Variants in MAN2A2 observed in about 807,000 individuals in gnomAD.
The protein encoded by MAN2A2 is alpha-mannosidase 2x.
A neutral mutation model predicts 126.8 loss-of-function variants in MAN2A2; 79 were observed. That is an observed-to-expected ratio of 0.62 (90% CI 0.52 to 0.75). The LOEUF (loss-of-function observed/expected upper bound fraction) is 0.75, where lower values mean the gene tolerates loss of function less well. Among genes scored for constraint, MAN2A2 ranks in the 30% least tolerant of loss-of-function variants. The pLI, the probability that MAN2A2 is intolerant of heterozygous loss-of-function variation, is 0.00. For synonymous variants in MAN2A2, 671 were observed against 618.7 expected, an observed-to-expected ratio of 1.08 and a Z score of -1.25; for missense variants, 1,392 against 1,522.4, an observed-to-expected ratio of 0.91 and a Z score of 1.43.
chr15:90,918,062 G>T (rs933435846), intron 20 of MAN2A2, 132 bp from the exon 21 acceptor site: 1 of 801,000 alleles, frequency 1.2e-6, no homozygotes, highest in South Asian at 1.7e-5. Context: ...GGAGCCAGGC[G>T]TGCCCTTGAG....
chr15:90,909,298 G>A (rs749284842), intron 8 of MAN2A2, 29 bp from the exon 9 acceptor site: 2 of 1,591,862 alleles, frequency 1.3e-6, no homozygotes, highest in Non-Finnish European at 1.7e-6. Context: ...AGACTTCGTG[G>A]TGGGCCCATG....
intron 11 of MAN2A2, 37 bp downstream of exon 11, chr15:90,910,720 C>G: frequency 6.2e-7 from 1 of 1,610,074 alleles, no homozygotes; most frequent in Non-Finnish European, 8.5e-7. Flanking sequence ...AGCTCCCCTG[C>G]TCACTGTCCC....
chr15:90,905,526 C>T lies in MAN2A2; in HGVS notation c.390+18C>T, dbSNP rs1567115866. ...AGCTGCAGGTAAGAGTCAGAGCTGG[C>T]AGGGACGTACAGTGGCCACGACTGG... On this transcript the variant is annotated intron_variant, in intron 3 of 22. Coordinates refer to ENST00000559717, the MANE Select transcript of MAN2A2 (RefSeq NM_006122.4). 1.2e-6 allele frequency: 2 copies of T among 1,614,056 alleles called. No individual in the cohort carries two copies. The highest frequency in any genetic ancestry group is 8.5e-7 in the Non-Finnish European group (1 of 1,180,000).
rs2034650186 is a variant in MAN2A2, at chr15:90,910,604, C to T, written c.1681C>T (p.Arg561Cys). 3.7e-6 allele frequency: 6 copies of T among 1,614,058 alleles called. No homozygotes were observed. The highest frequency in any genetic ancestry group is 1.1e-5 in the South Asian group (1 of 91,088). Residue 561 changes from arginine to cysteine, a missense_variant, in exon 11 of 23, where the codon CGC becomes TGC. Transcript: ENST00000559717. ...SDFTLLTEAR[R>C]TLGLFQHHDA... ...TTTCACCCTCCTGACGGAAGCTCGG[C>T]GCACATTGGGGCTCTTCCAGCATCA...
chr15:90,918,155 G>A (rs1567134039), intron 20 of MAN2A2, 39 bp from the exon 21 acceptor site: 2 of 1,587,122 alleles, frequency 1.3e-6, no homozygotes, highest in South Asian at 1.1e-5. Flanking sequence ...CCTCAGCCTG[G>A]CTTTGGTCCC....
Position 90,903,900 on chromosome 15 carries a change from G to A in MAN2A2, c.-18-290G>A, listed in dbSNP as rs1328170366. On this transcript the variant is annotated intron_variant, in intron 1 of 22. Coordinates refer to ENST00000559717, the MANE Select transcript of MAN2A2 (RefSeq NM_006122.4). The stretch of plus-strand genomic sequence containing the variant: ...AACAGGCACCTCCTATCTAGGCAGG[G>A]AAGCTGTGTAATCAGGAGCTTGTGT... 6 of 435,506 alleles carry A rather than the reference G, an allele frequency of 1.4e-5. No individual in the cohort carries two copies. In the East Asian group the frequency reaches 2.5e-4, roughly 18 times the overall value. 27.0% of individuals were successfully genotyped at this position (435,506 alleles called of 1,614,324 possible).
intron 19 of MAN2A2, 105 bp downstream of exon 19, chr15:90,913,860 C>G (rs2034971223): frequency 1.5e-6 from 2 of 1,371,736 alleles, no homozygotes; most frequent in Middle Eastern, 2.4e-4. Flanking sequence ...TCTTTCTGGA[C>G]TGCATCACCT....
intron 20 of MAN2A2, chr15:90,916,632 T>C: frequency 7.7e-7 from 1 of 1,302,748 alleles, no homozygotes; most frequent in East Asian, 5.3e-5. Context: ...GGCTTGATCT[T>C]TCACAGCAGC....
intron 6 of MAN2A2, 39 bp downstream of exon 6, chr15:90,906,536 C>T: frequency 6.2e-7 from 1 of 1,613,630 alleles, no homozygotes; most frequent in Non-Finnish European, 8.5e-7. Flanking sequence ...GCCCCCTGGG[C>T]TGTAAGGCAC....
rs1341033777 is a variant in MAN2A2, at chr15:90,920,675, C to T, written c.*888C>T. ...TACTTTCTTTCTCTGGAAAGGAAAG[C>T]CTCCAAGACTCCATGTGCTTGGGCA... is the stretch of plus-strand genomic sequence containing the variant. On this transcript the variant is annotated 3_prime_UTR_variant, in exon 23 of 23. Transcript: ENST00000559717. 1 of 152,234 alleles carries T rather than the reference C, an allele frequency of 6.6e-6. No homozygotes were observed. The highest frequency in any genetic ancestry group is 1.5e-5 in the Non-Finnish European group (1 of 68,074). The allele number at this position is 152,234 out of a possible 1,614,324, so 9.4% of individuals were successfully genotyped here.
intron 21 of MAN2A2, 105 bp from the exon 22 acceptor site, chr15:90,918,540 C>T: frequency 8.4e-7 from 1 of 1,193,832 alleles, no homozygotes; most frequent in Non-Finnish European, 1.2e-6. Flanking sequence ...CTTTCCTTAC[C>T]CACACGCCTC....
chr15:90,913,855 C>G, intron 19 of MAN2A2, 100 bp downstream of exon 19: 1 of 1,406,578 alleles, frequency 7.1e-7, no homozygotes, highest in Non-Finnish European at 9.4e-7. Context: ...TTGCCTCTTT[C>G]TGGACTGCAT....
rs750844106 is a variant in MAN2A2, at chr15:90,912,867, C to T, written c.2470-10C>T. On this transcript the variant is annotated splice_polypyrimidine_tract_variant and intron_variant, in intron 16 of 22. Transcript: ENST00000559717. ...GCTGTAGTTTCAACAGCAATCTGCT[C>T]TTTCTCTAGCCCTACGTCCCCAAGG... 3 of 1,610,672 alleles carry T rather than the reference C, an allele frequency of 1.9e-6. No individual in the cohort carries two copies. Among genetic ancestry groups the T allele is most frequent in the Non-Finnish European group, 2.5e-6 (3 of 1,177,312 alleles).
intron 16 of MAN2A2, 100 bp from the exon 17 acceptor site, chr15:90,912,777 G>C (rs1036860801): frequency 3.8e-5 from 59 of 1,564,704 alleles, no homozygotes; most frequent in Non-Finnish European, 4.9e-5. Flanking sequence ...TCAGCCCAGG[G>C]GTGTCTGGGA....
rs376743463 is a variant in MAN2A2, at chr15:90,905,799, G to A, written c.536-46G>A. ...ATGGCCAATACAAGGGAGGGACGTC[G>A]AAGAAGATGGTGGCATCCTCAGGGG... On this transcript the variant is annotated intron_variant, in intron 4 of 22. Coordinates refer to ENST00000559717, the MANE Select transcript of MAN2A2 (RefSeq NM_006122.4). The A allele has an allele frequency of 1.3e-4, 207 of 1,587,470 alleles. No homozygotes were observed. The African/African-American group carries it at 1.7e-3, about 13-fold the overall frequency.
chr15:90,911,467 C>G lies in MAN2A2; in HGVS notation c.2026C>G (p.Leu676Val), dbSNP rs267604385. The G allele has an allele frequency of 1.5e-5, 25 of 1,614,236 alleles. 1 individual carries two copies. In the South Asian group the frequency reaches 2.3e-4, roughly 15 times the overall value. The change falls in exon 14 of 23, where the codon CTT becomes GTT. Residue 676 changes from leucine to valine, a missense_variant. Leu to Val is a conservative substitution (Grantham distance 32). Transcript: ENST00000559717. ...GGTCAACTCTCCCCGCGTGCGTGTC[C>G]TTTCGGAGGAGGGTCAGCCCCTGGC... ...LLVNSPRVRV[L>V]SEEGQPLAVQ...
intron 20 of MAN2A2, chr15:90,916,589 GACTTT>G: frequency 7.4e-7 from 1 of 1,343,792 alleles, no homozygotes; most frequent in Non-Finnish European, 9.8e-7. Flanking sequence ...CCACCAGCCT[GACTTT>G]TTCTCCAAAC....
In MAN2A2 at chr15:90,906,853, G is replaced by A; in HGVS notation, c.949G>A (p.Ala317Thr). Residue 317 changes from alanine to threonine, a missense_variant, in exon 7 of 23, where the codon GCC becomes ACC. Ala to Thr is a moderately conservative substitution (Grantham distance 58). Transcript: ENST00000559717. ...TSMLIQRVHY[A>T]IKKHFAATHS... is the part of the protein sequence containing the mutation. ...CATGCTGATTCAGAGAGTGCACTAT[G>A]CCATCAAGAAGCACTTTGCTGCCAC... The A allele has an allele frequency of 6.2e-7, 1 of 1,614,088 alleles. No homozygotes were observed. Among genetic ancestry groups the A allele is most frequent in the Middle Eastern group, 1.7e-4 (1 of 6,060 alleles).
intron 8 of MAN2A2, 132 bp downstream of exon 8, chr15:90,907,627 A>G (rs1269231485): frequency 1.3e-6 from 1 of 796,370 alleles, no homozygotes; most frequent in African/African-American, 1.7e-5. Flanking sequence ...GCTCCTTACT[A>G]AGTCTCCTGA....
Sources: allele counts gnomAD v4.1 joint callset, GRCh38; gene constraint gnomAD v4.1.1; transcripts MANE v1.5; gene names NCBI Gene and HGNC (gene_info 2026-07-23, HGNC 2026-07-21).